Variants in ANKIB1 observed in about 807,000 individuals in gnomAD.
The protein encoded by ANKIB1 is ankyrin repeat and IBR domain containing 1.
Under a neutral mutation model 122.1 loss-of-function variants are expected in ANKIB1, and 43 were observed. That is an observed-to-expected ratio of 0.35 (90% CI 0.28 to 0.45). The LOEUF is 0.45. Ranked by LOEUF, ANKIB1 falls within the 20% of genes least tolerant of loss-of-function variation. ANKIB1 has a pLI of 1.00. For synonymous variants in ANKIB1, 390 were observed against 442.0 expected (o/e 0.88, Z 1.48); for missense variants, 992 against 1,329.5 (o/e 0.75, Z 3.95).
rs865812569 is a variant in ANKIB1 at position 92,333,922 on chromosome 7, T to C, written c.787+6022T>C. On this transcript the variant is annotated intron_variant, in intron 5 of 19. Coordinates refer to ENST00000265742, the MANE Select transcript of ANKIB1 (RefSeq NM_019004.2). ...TATCCTAAGAAAGTTGTTTTTACTT[T>C]ATATGCCTCACATTTTTTATATGTG... Among the ~76,000 whole-genome samples the C allele has an allele frequency of 5.9e-5, 9 of 152,326 alleles. No homozygotes were observed. In the South Asian group the frequency reaches 1.9e-3, roughly 32 times the overall value.
intron 2 of ANKIB1, among the ~76,000 whole-genome samples, chr7:92,300,043 GCAGTCCACCC>G (rs1802430769): frequency 1.3e-5 from 2 of 152,090 alleles, no homozygotes; most frequent in Non-Finnish European, 2.9e-5. Flanking sequence ...CTGAGCTCAA[GCAGTCCACCC>G]TTCCTCGGCC....
At chr7:92,382,298 T>G (rs1804534372) in intron 11 of ANKIB1, among the ~76,000 whole-genome samples, 1 of 152,132 alleles carries the variant, frequency 6.6e-6, no homozygotes, top group Non-Finnish European at 1.5e-5. Context: ...TGGGAGACTT[T>G]AACACCCCAC....
intron 14 of ANKIB1, among the ~76,000 whole-genome samples, chr7:92,389,622 C>A (rs1405941716): frequency 3.3e-5 from 5 of 152,082 alleles, no homozygotes; most frequent in Non-Finnish European, 7.4e-5. Context: ...TAGGGATAAT[C>A]TGAAAAAGTA....
At chr7:92,376,726 G>T (rs563775042) in intron 11 of ANKIB1, among the ~76,000 whole-genome samples, 102 of 152,204 alleles carry the variant, frequency 6.7e-4, no homozygotes, top group African/African-American at 2.3e-3. Context: ...TAGGATTACA[G>T]GCGTGAGCCA....
At chr7:92,288,546 G>C (rs1230682412) in intron 1 of ANKIB1, among the ~76,000 whole-genome samples, 4 of 152,152 alleles carry the variant, frequency 2.6e-5, no homozygotes, top group Admixed American at 2.0e-4. Context: ...TCAACAAATG[G>C]TGCTGGAACT....
rs1353509008 is a variant in ANKIB1 at position 92,369,898 on chromosome 7, G to A, written c.1487-1579G>A. On this transcript the variant is annotated intron_variant, in intron 10 of 19. Transcript: ENST00000265742. Reference sequence around the variant, plus strand: ...TCTCTAGCCCCTAACTCTGTCCATGGAAGGGAGAGGGAAGTTTATAAAATG... The same window carrying A: ...TCTCTAGCCCCTAACTCTGTCCATGAAAGGGAGAGGGAAGTTTATAAAATG... 3.3e-5 allele frequency among the ~76,000 whole-genome samples: 5 copies of A among 152,212 alleles called. No individual in the cohort carries two copies. The South Asian group carries it at 8.3e-4, about 25-fold the overall frequency.
At chr7:92,386,731 T>C in intron 12 of ANKIB1, 88 bp downstream of exon 12, 3 of 1,233,534 alleles carry the variant, frequency 2.4e-6, no homozygotes, top group African/African-American at 1.6e-5. Context: ...ATTTTCATCT[T>C]AATAAAGTAT....
At chr7:92,304,537 A>T (rs1213045132) in intron 2 of ANKIB1, among the ~76,000 whole-genome samples, 1 of 152,144 alleles carries the variant, frequency 6.6e-6, no homozygotes, top group Non-Finnish European at 1.5e-5. Flanking sequence ...AACTCTCCTG[A>T]GCAAACTAAG....
chr7:92,350,694 C>T (rs1226664117), intron 7 of ANKIB1, among the ~76,000 whole-genome samples: 9 of 152,038 alleles, frequency 5.9e-5, no homozygotes, highest in Admixed American at 3.3e-4. Flanking sequence ...CCATCGCTAG[C>T]AAAAATTTAA....
chr7:92,381,481 C>T (rs1804513621), intron 11 of ANKIB1, among the ~76,000 whole-genome samples: 1 of 152,188 alleles, frequency 6.6e-6, no homozygotes, highest in African/African-American at 2.4e-5. Context: ...ATGCTAAGGG[C>T]AGCCAGAGAG....
chr7:92,300,332 A>G (rs1357809670), intron 2 of ANKIB1, among the ~76,000 whole-genome samples: 3 of 152,148 alleles, frequency 2.0e-5, no homozygotes, highest in Non-Finnish European at 2.9e-5. Context: ...TGTTTTTACA[A>G]CTTCTACCAA....
chr7:92,379,850 T>A (rs1804471202), intron 11 of ANKIB1, among the ~76,000 whole-genome samples: 2 of 152,332 alleles, frequency 1.3e-5, no homozygotes, highest in South Asian at 4.1e-4. Flanking sequence ...AGGTGATTTC[T>A]GCATTTCCAG....
chr7:92,273,811 C>G (rs1801845986), intron 1 of ANKIB1, among the ~76,000 whole-genome samples: 1 of 150,678 alleles, frequency 6.6e-6, no homozygotes, highest in Non-Finnish European at 1.5e-5. Context: ...ATCACTCTGT[C>G]ACCAAGGCTG....
intron 11 of ANKIB1, among the ~76,000 whole-genome samples, chr7:92,378,092 C>T (rs1804425100): frequency 6.6e-6 from 1 of 152,134 alleles, no homozygotes; most frequent in African/African-American, 2.4e-5. Flanking sequence ...GGATAAAACT[C>T]TACAGATATT....
intron 11 of ANKIB1, among the ~76,000 whole-genome samples, chr7:92,372,528 T>A (rs1804292698): frequency 6.6e-6 from 1 of 152,182 alleles, no homozygotes; most frequent in South Asian, 2.1e-4. Flanking sequence ...GTGGCCAGAC[T>A]TTAGGTCTGC....
rs535383403 is a variant in ANKIB1 at position 92,381,837 on chromosome 7, C to T, written c.1618-4672C>T. ...GCTAGGAAGAAACTGCATCAACTAA[C>T]GGGCAAAATAACCAGCTAACATCAT... On this transcript the variant is annotated intron_variant, in intron 11 of 19. Coordinates refer to ENST00000265742, the MANE Select transcript of ANKIB1 (RefSeq NM_019004.2). 1.1e-4 allele frequency among the ~76,000 whole-genome samples: 16 copies of T among 152,228 alleles called. 1 individual carries two copies. In the Middle Eastern group the frequency reaches 0.014, roughly 129 times the overall value.
At chr7:92,339,326 G>A (rs879491158) in intron 5 of ANKIB1, among the ~76,000 whole-genome samples, 12 of 152,042 alleles carry the variant, frequency 7.9e-5, no homozygotes, top group East Asian at 3.9e-4. Flanking sequence ...ACAGGCGTGA[G>A]CCACCGCACC....
Position 92,307,601 on chromosome 7 carries a change from A to G in ANKIB1, c.431A>G (p.Lys144Arg), listed in dbSNP as rs1380769467. 6.2e-7 allele frequency: 1 copy of G among 1,613,522 alleles called. No individual in the cohort carries two copies. The highest frequency in any genetic ancestry group is 2.2e-5 in the East Asian group (1 of 44,876). The change falls in exon 3 of 20, where the codon AAA becomes AGA. Residue 144 changes from lysine (K) to arginine (R), a missense_variant. Coordinates refer to ENST00000265742, the MANE Select transcript of ANKIB1 (RefSeq NM_019004.2). Reference protein sequence around the residue: ...ERAAIDAVDNKKNTPLHYAAA... With the variant: ...ERAAIDAVDNRKNTPLHYAAA... The stretch of plus-strand genomic sequence containing the variant: ...GCAGCTATTGATGCTGTTGATAACA[A>G]AAAAAACACACCCTTGCACTATGCT...
chr7:92,356,919 T>G (rs774496317), intron 9 of ANKIB1, among the ~76,000 whole-genome samples: 5 of 152,214 alleles, frequency 3.3e-5, no homozygotes, highest in Non-Finnish European at 7.3e-5. Context: ...TAAAAAATGT[T>G]AGCTAAAGGG....
Sources: gnomAD v4.1 joint callset for allele counts (sites outside exome capture counted in the v4.1 genomes callset) on GRCh38, gnomAD v4.1.1 for gene constraint, MANE v1.5 for transcripts, NCBI Gene and HGNC (gene_info 2026-07-23, HGNC 2026-07-21) for gene names.